The following KCNH8 variants were observed in gnomAD, a reference collection of about 807,000 sequenced individuals.
KCNH8 encodes the protein potassium voltage-gated channel subfamily H member 8, also known as voltage-gated delayed rectifier potassium channel KCNH8.
Under a neutral mutation model 103.6 loss-of-function variants are expected in KCNH8, and 70 were observed. That is an observed-to-expected ratio of 0.68 (90% CI 0.56 to 0.82). The LOEUF (loss-of-function observed/expected upper bound fraction) is 0.82, where lower values mean the gene tolerates loss of function less well. Among genes scored for constraint, KCNH8 ranks in the 40% least tolerant of loss-of-function variants. KCNH8 has a pLI of 0.00. For synonymous variants in KCNH8, 498 were observed against 489.4 expected (o/e 1.02, Z -0.23); for missense variants, 1,217 against 1,329.9 (o/e 0.92, Z 1.32).
At chr3:19,355,514 A>C (rs932353579) in intron 5 of KCNH8, among the ~76,000 whole-genome samples, 1 of 152,152 alleles carries the variant, frequency 6.6e-6, no homozygotes, top group African/African-American at 2.4e-5. Context: ...CTGGATTAAG[A>C]AAATGTGGCA....
At chr3:19,214,526 T>C (rs1299524543) in intron 1 of KCNH8, among the ~76,000 whole-genome samples, 1 of 152,192 alleles carries the variant, frequency 6.6e-6, no homozygotes, top group Non-Finnish European at 1.5e-5. Flanking sequence ...GCAAGGACAA[T>C]TCTGTGGGTA....
At chr3:19,328,835 A>G (rs1207995901) in intron 3 of KCNH8, among the ~76,000 whole-genome samples, 2 of 152,176 alleles carry the variant, frequency 1.3e-5, no homozygotes, top group African/African-American at 4.8e-5. Context: ...CTGTCATATT[A>G]TTATGCTTGC....
intron 1 of KCNH8, among the ~76,000 whole-genome samples, chr3:19,165,225 A>G (rs1221626501): frequency 2.0e-5 from 3 of 152,216 alleles, no homozygotes; most frequent in African/African-American, 7.2e-5. Context: ...CTACAGCACT[A>G]TTAGGTTGGT....
chr3:19,503,639 T>A, intron 11 of KCNH8, among the ~76,000 whole-genome samples: 1 of 152,094 alleles, frequency 6.6e-6, no homozygotes, highest in East Asian at 1.9e-4. Context: ...GGACATGGAT[T>A]AAATTGGAAA....
intron 3 of KCNH8, among the ~76,000 whole-genome samples, chr3:19,299,000 G>A (rs2065031120): frequency 6.6e-6 from 1 of 151,626 alleles, no homozygotes; most frequent in South Asian, 2.1e-4. Context: ...GTGCTTTGGA[G>A]TTGATGAAGG....
intron 15 of KCNH8, among the ~76,000 whole-genome samples, chr3:19,520,443 TAAA>T (rs1351598499): frequency 3.9e-5 from 6 of 151,968 alleles, no homozygotes; most frequent in Admixed American, 3.9e-4. Flanking sequence ...GGATAGTGCA[TAAA>T]AACCCACTAA....
intron 1 of KCNH8, among the ~76,000 whole-genome samples, chr3:19,207,438 TTA>T (rs763808446): frequency 4.6e-5 from 7 of 151,966 alleles, no homozygotes; most frequent in Non-Finnish European, 7.4e-5. Context: ...TCATAATGAA[TTA>T]TACTGAATAA....
At chr3:19,455,030 T>G (rs969863994) in intron 10 of KCNH8, among the ~76,000 whole-genome samples, 7 of 152,180 alleles carry the variant, frequency 4.6e-5, no homozygotes, top group African/African-American at 1.7e-4. Flanking sequence ...ATACTTGACC[T>G]GTAGATATTT....
chr3:19,400,231 C>A (rs1355925585), intron 7 of KCNH8, among the ~76,000 whole-genome samples: 307 of 53,040 alleles, frequency 5.8e-3, no homozygotes, highest in South Asian at 9.3e-3. Context: ...TGTTAGCCAG[C>A]AAAAAAAAAA....
Position 19,448,791 on chromosome 3 carries a change from G to T in KCNH8, c.1376-1315G>T, listed in dbSNP as rs6774811. 9.5e-3 allele frequency: 2,226 copies of T among 235,068 alleles called. 49 individuals carry two copies. Among genetic ancestry groups the T allele is most frequent in the African/African-American group, 0.045 (2,004 of 44,426 alleles). 14.6% of individuals were successfully genotyped at this position (235,068 alleles called of 1,614,324 possible). ...TAAGCCCCAAATTACTGAAACAGAT[G>T]ATTTTACCCAACACATAAGCTTCAT... On this transcript the variant is annotated intron_variant, in intron 8 of 15. Transcript: ENST00000328405.
chr3:19,342,709 A>C lies in KCNH8; in HGVS notation c.565A>C (p.Asn189His). ...QRREKNKLKI[N>H]NNVFVDKPAF... ...AAGAGAAAAGAACAAATTGAAAATA[A>C]ATAACGTAGGTGGTATGTGTGTACA... The change falls in exon 4 of 16, where the codon AAT (asparagine) becomes CAT (histidine). Residue 189 changes from asparagine to histidine, a missense_variant. Around this residue, in one of 3 missense-constraint regions of KCNH8, gnomAD observed 244 missense variants for 256.8 expected, o/e 0.95. Transcript: ENST00000328405. The C allele has an allele frequency of 6.2e-7, 1 of 1,605,746 alleles. No individual in the cohort carries two copies. Among genetic ancestry groups the C allele is most frequent in the Non-Finnish European group, 8.5e-7 (1 of 1,174,420 alleles).
intron 11 of KCNH8, among the ~76,000 whole-genome samples, chr3:19,473,103 A>G (rs574635886): frequency 3.9e-5 from 6 of 152,202 alleles, no homozygotes; most frequent in Non-Finnish European, 1.5e-5. Flanking sequence ...TAGTGAAAGA[A>G]TCAAACAGAA....
Position 19,265,986 on chromosome 3 carries a change from A to G in KCNH8, c.310+12099A>G, listed in dbSNP as rs147893929. On this transcript the variant is annotated intron_variant, in intron 2 of 15. Coordinates refer to ENST00000328405, the MANE Select transcript of KCNH8 (RefSeq NM_144633.3). ...TCCAGAGCTACAATAACTCATCTCA[A>G]TCTGCAGACCAACCTCCAGTTCTGC... Among the ~76,000 whole-genome samples the G allele has an allele frequency of 2.5e-3, 384 of 152,058 alleles. 4 individuals are homozygous for G. Among genetic ancestry groups the G allele is most frequent in the African/African-American group, 8.9e-3 (368 of 41,508 alleles).
intron 11 of KCNH8, among the ~76,000 whole-genome samples, chr3:19,506,646 TG>T (rs1474790003): frequency 6.6e-6 from 1 of 152,166 alleles, no homozygotes; most frequent in African/African-American, 2.4e-5. Flanking sequence ...ACTGCAATTC[TG>T]GAGTGAGCTC....
intron 1 of KCNH8, among the ~76,000 whole-genome samples, chr3:19,205,353 T>TATGC (rs2063704147): frequency 6.6e-6 from 1 of 152,066 alleles, no homozygotes; most frequent in Non-Finnish European, 1.5e-5. Flanking sequence ...GATGAGTTCT[T>TATGC]TTCTGAGAAT....
intron 1 of KCNH8, among the ~76,000 whole-genome samples, chr3:19,225,096 T>C (rs1208198829): frequency 6.6e-6 from 1 of 152,056 alleles, no homozygotes; most frequent in Non-Finnish European, 1.5e-5. Flanking sequence ...AGTCAAAACA[T>C]GGAATACATT....
intron 3 of KCNH8, among the ~76,000 whole-genome samples, chr3:19,299,478 A>G (rs560647015): frequency 1.3e-5 from 2 of 152,208 alleles, no homozygotes; most frequent in South Asian, 4.1e-4. Context: ...AAAAAAGAAA[A>G]CAACAGCAAC....
intron 3 of KCNH8, among the ~76,000 whole-genome samples, chr3:19,289,157 T>A (rs1167404887): frequency 6.6e-6 from 1 of 151,978 alleles, no homozygotes; most frequent in Non-Finnish European, 1.5e-5. Context: ...TTGCAAAAAT[T>A]TTCTCCCATT....
rs536476494 is a variant in KCNH8 at position 19,527,481 on chromosome 3, T to C, written c.2620-5914T>C. Among the ~76,000 whole-genome samples, 4 of 152,210 alleles carry C rather than the reference T, an allele frequency of 2.6e-5. No individual in the cohort carries two copies. In the East Asian group the frequency reaches 7.8e-4, roughly 30 times the overall value. On this transcript the variant is annotated intron_variant, in intron 15 of 15. Coordinates refer to ENST00000328405, the MANE Select transcript of KCNH8 (RefSeq NM_144633.3). ...CTAAAGTTTTATATCTGTTATATTA[T>C]TTAATCCTCACAACAAGGCCCTTAT... is the stretch of plus-strand genomic sequence containing the variant.
Sources: allele counts gnomAD v4.1 joint callset (sites outside exome capture counted in the v4.1 genomes callset), GRCh38; gene constraint gnomAD v4.1.1; regional missense constraint gnomAD v4.1.1; transcripts MANE v1.5; gene names NCBI Gene and HGNC (gene_info 2026-07-23, HGNC 2026-07-21).